Variants in ADGRF5 observed in about 807,000 individuals in gnomAD.
The protein encoded by ADGRF5 is G-protein coupled receptor 116.
In ADGRF5, 75 loss-of-function variants were observed where a neutral mutation model predicts 132.3. The observed-to-expected ratio is 0.57, with a 90% CI of 0.47 to 0.69. The LOEUF (loss-of-function observed/expected upper bound fraction) is 0.69, where lower values mean the gene tolerates loss of function less well. ADGRF5 is among the 30% of genes least tolerant of loss of function. The pLI is 0.00. For missense variants in ADGRF5, 1,516 were observed against 1,630.6 expected, an observed-to-expected ratio of 0.93 and a Z score of 1.21; for synonymous variants, 629 against 597.6, an observed-to-expected ratio of 1.05 and a Z score of -0.77.
At chr6:46,869,130 G>C in intron 11 of ADGRF5, 38 bp from the exon 12 acceptor site, 1 of 1,590,216 alleles carries the variant, frequency 6.3e-7, no homozygotes, top group Non-Finnish European at 8.6e-7. Context: ...AAAGAAAACT[G>C]ACAAGTTCAA....
intron 14 of ADGRF5, among the ~76,000 whole-genome samples, chr6:46,864,813 C>T (rs568679109): frequency 3.9e-5 from 6 of 152,242 alleles, no homozygotes; most frequent in African/African-American, 7.2e-5. Context: ...CGTGAGCCAC[C>T]GCACCCGGCC....
chr6:46,948,172 T>C (rs1043932044), intron 1 of ADGRF5, among the ~76,000 whole-genome samples: 1 of 152,178 alleles, frequency 6.6e-6, no homozygotes, highest in African/African-American at 2.4e-5. Flanking sequence ...AAGTAACAAA[T>C]TGGCCTTCTT....
At chr6:46,933,893 C>A (rs1436269346) in intron 1 of ADGRF5, among the ~76,000 whole-genome samples, 1 of 152,158 alleles carries the variant, frequency 6.6e-6, no homozygotes, top group Non-Finnish European at 1.5e-5. Flanking sequence ...AACAATTACA[C>A]GATTATTCCA....
chr6:46,853,062 T>C lies in ADGRF5; in HGVS notation c.*930A>G, dbSNP rs1473704008. On this transcript the variant is annotated 3_prime_UTR_variant, in exon 21 of 21. Coordinates refer to ENST00000283296, the MANE Select transcript of ADGRF5 (RefSeq NM_001098518.2). Reference sequence around the variant, plus strand: ...TGGCAATTGAAGGGTATATCAAATATATATTTTTTGCTTTCAAAATGTGGA... The same window carrying C: ...TGGCAATTGAAGGGTATATCAAATACATATTTTTTGCTTTCAAAATGTGGA... 6.6e-6 allele frequency: 1 copy of C among 152,650 alleles called. No homozygotes were observed. The highest frequency in any genetic ancestry group is 2.4e-5 in the African/African-American group (1 of 41,452). The allele number at this position is 152,650 out of a possible 1,614,324, so 9.5% of individuals were successfully genotyped here.
chr6:46,894,709 T>A lies in ADGRF5; in HGVS notation c.157+5320A>T, dbSNP rs148193845. ...TTAACTCTGTGAGCCATACTTTGCT[T>A]ATCTGTAAATGAAAGGTAGTATTTT... On this transcript the variant is annotated intron_variant, in intron 3 of 20. Coordinates refer to ENST00000283296, the MANE Select transcript of ADGRF5 (RefSeq NM_001098518.2). Among the ~76,000 whole-genome samples the A allele has an allele frequency of 4.6e-5, 7 of 152,334 alleles. No individual in the cohort carries two copies. The East Asian group carries it at 1.4e-3, about 29-fold the overall frequency.
intron 1 of ADGRF5, among the ~76,000 whole-genome samples, chr6:46,920,583 C>T (rs1307452007): frequency 6.7e-6 from 1 of 150,044 alleles, no homozygotes; most frequent in Non-Finnish European, 1.5e-5. Context: ...TAACAGAAAG[C>T]TGGCTGCGAT....
rs1321515738 is a variant in ADGRF5, at chr6:46,866,968, G to A, written c.1791C>T (p.Asp597=). 1 of 1,613,240 alleles carries A rather than the reference G, an allele frequency of 6.2e-7. No individual in the cohort carries two copies. Among genetic ancestry groups the A allele is most frequent in the East Asian group, 2.2e-5 (1 of 44,884 alleles). ...HIKCCIEEDG[D]YKVTFHTGSS... is the part of the protein sequence containing the mutation. The stretch of plus-strand genomic sequence containing the variant: ...AACCCGTATGGAAAGTAACTTTGTA[G>A]TCTCCATCCTCCTCTATGCAGCACT... Residue 597 remains aspartate (D), a synonymous_variant, in exon 13 of 21, where the codon GAC becomes GAT. Transcript: ENST00000283296.
At chr6:46,901,136 A>G (rs1362330757) in intron 2 of ADGRF5, among the ~76,000 whole-genome samples, 1 of 152,146 alleles carries the variant, frequency 6.6e-6, no homozygotes, top group Non-Finnish European at 1.5e-5. Context: ...CATTTCTGTG[A>G]AGTTCATCTC....
intron 2 of ADGRF5, among the ~76,000 whole-genome samples, chr6:46,901,034 C>T (rs1040914546): frequency 2.6e-5 from 4 of 152,018 alleles, no homozygotes; most frequent in East Asian, 1.9e-4. Context: ...AATGTAAGGC[C>T]GTGAAAGTAA....
At chr6:46,921,034 A>G (rs1776884917) in intron 1 of ADGRF5, among the ~76,000 whole-genome samples, 1 of 152,246 alleles carries the variant, frequency 6.6e-6, no homozygotes, top group African/African-American at 2.4e-5. Flanking sequence ...GCTTTCTGAA[A>G]TATGAGAAAA....
chr6:46,870,853 A>G (rs1184240894), intron 11 of ADGRF5: 1 of 447,994 alleles, frequency 2.2e-6, no homozygotes, highest in East Asian at 7.3e-5. Flanking sequence ...AGAGCTCATG[A>G]GTATTTTGAG....
intron 20 of ADGRF5, among the ~76,000 whole-genome samples, 170 bp downstream of exon 20, chr6:46,855,804 C>T (rs1185557859): frequency 6.6e-6 from 1 of 152,150 alleles, no homozygotes. Context: ...CCTCTGTACC[C>T]ACTTTTTGGT....
intron 10 of ADGRF5, among the ~76,000 whole-genome samples, chr6:46,877,231 C>CTTTA (rs1771775200): frequency 4.2e-5 from 1 of 23,794 alleles, no homozygotes; most frequent in Non-Finnish European, 8.2e-5. Context: ...TCCTCTCTTT[C>CTTTA]TTTCTTTCTT....
chr6:46,867,387 G>A (rs1221370488), intron 12 of ADGRF5, among the ~76,000 whole-genome samples: 1 of 152,112 alleles, frequency 6.6e-6, no homozygotes, highest in Non-Finnish European at 1.5e-5. Flanking sequence ...GCTTATTCAA[G>A]GCCAAACAGC....
chr6:46,863,159 G>C (rs1354935131), intron 14 of ADGRF5, 63 bp from the exon 15 acceptor site: 2 of 1,248,758 alleles, frequency 1.6e-6, no homozygotes, highest in East Asian at 2.3e-5. Flanking sequence ...GTAGAAATAC[G>C]GTCAGGCCAA....
upstream of ADGRF5, among the ~76,000 whole-genome samples, chr6:46,922,800 C>G (rs1777046970): frequency 2.0e-5 from 3 of 152,166 alleles, no homozygotes; most frequent in Admixed American, 2.0e-4. Flanking sequence ...CAGGTAGTCC[C>G]AAGAGTATCT....
intron 16 of ADGRF5, among the ~76,000 whole-genome samples, chr6:46,859,754 G>C (rs1213614437): frequency 6.6e-6 from 1 of 152,130 alleles, no homozygotes; most frequent in Non-Finnish European, 1.5e-5. Flanking sequence ...GTGACAGTGA[G>C]AGTCACACCC....
chr6:46,853,425 C>G lies in ADGRF5; in HGVS notation c.*567G>C, dbSNP rs1768693495. The G allele has an allele frequency of 6.6e-6, 1 of 152,070 alleles. No homozygotes were observed. Among genetic ancestry groups the G allele is most frequent in the African/African-American group, 2.4e-5 (1 of 41,408 alleles). The allele number at this position is 152,070 out of a possible 1,614,324, so 9.4% of individuals were successfully genotyped here. On this transcript the variant is annotated 3_prime_UTR_variant, in exon 21 of 21. Coordinates refer to ENST00000283296, the MANE Select transcript of ADGRF5 (RefSeq NM_001098518.2). ...ATTTTTGAGCCATTAAAAAAAAATT[C>G]TCAATGTTGCACTGAGTGATTATAT...
intron 1 of ADGRF5, among the ~76,000 whole-genome samples, chr6:46,921,240 C>A (rs541957479): frequency 6.6e-6 from 1 of 152,200 alleles, no homozygotes; most frequent in African/African-American, 2.4e-5. Context: ...AGGACTCTCC[C>A]GAAGCTGAGC....
Sources: allele counts gnomAD v4.1 joint callset (sites outside exome capture counted in the v4.1 genomes callset), GRCh38; gene constraint gnomAD v4.1.1; transcripts MANE v1.5; gene names NCBI Gene and HGNC (gene_info 2026-07-23, HGNC 2026-07-21).